The following SLC16A9 variants were observed in gnomAD, a reference collection of about 807,000 sequenced individuals.
SLC16A9 encodes solute carrier family 16 member 9, also known as monocarboxylate transporter 9.
Under a neutral mutation model 44.3 loss-of-function variants are expected in SLC16A9, and 26 were observed. The ratio of observed to expected loss-of-function variants is 0.59; its 90% CI spans 0.43 to 0.81. The LOEUF (loss-of-function observed/expected upper bound fraction) is 0.81, where lower values mean the gene tolerates loss of function less well. Among genes scored for constraint, SLC16A9 ranks in the 40% least tolerant of loss-of-function variants. SLC16A9 has a pLI of 0.00. For missense variants in SLC16A9, 559 were observed against 595.8 expected (o/e 0.94, Z 0.64); for synonymous variants, 230 against 225.1 (o/e 1.02, Z -0.19).
At chr10:59,686,767 T>G (rs1840143260) in intron 1 of SLC16A9, among the ~76,000 whole-genome samples, 1 of 152,186 alleles carries the variant, frequency 6.6e-6, no homozygotes, top group South Asian at 2.1e-4. Context: ...TGTCTTAAAT[T>G]TTTATACTTC....
chr10:59,662,916 A>C (rs1187849815), intron 4 of SLC16A9, among the ~76,000 whole-genome samples: 1 of 152,192 alleles, frequency 6.6e-6, no homozygotes, highest in Admixed American at 6.5e-5. Flanking sequence ...TTGACCCAGC[A>C]ATCCCATTAC....
chr10:59,705,296 G>T (rs1202591206), intron 1 of SLC16A9, among the ~76,000 whole-genome samples: 2 of 152,018 alleles, frequency 1.3e-5, no homozygotes, highest in Non-Finnish European at 2.9e-5. Context: ...CCTGCTACAG[G>T]AATCAGGCCC....
chr10:59,698,933 G>T (rs1840460943), intron 1 of SLC16A9, among the ~76,000 whole-genome samples: 1 of 151,970 alleles, frequency 6.6e-6, no homozygotes, highest in Non-Finnish European at 1.5e-5. Context: ...TAGTAGAGAT[G>T]GGGTTTCACC....
intron 4 of SLC16A9, among the ~76,000 whole-genome samples, chr10:59,656,188 G>A (rs1028653505): frequency 7.2e-5 from 11 of 152,072 alleles, no homozygotes; most frequent in East Asian, 1.9e-4. Flanking sequence ...CTCATTAAAC[G>A]TGGCATATAC....
intron 2 of SLC16A9, among the ~76,000 whole-genome samples, chr10:59,677,879 TA>T (rs1213026377): frequency 3.3e-5 from 5 of 152,018 alleles, no homozygotes; most frequent in South Asian, 2.1e-4. Flanking sequence ...CTTTTATTAT[TA>T]TTTTTTTAAT....
At chr10:59,680,418 C>T (rs145328130) in intron 2 of SLC16A9, among the ~76,000 whole-genome samples, 5 of 152,312 alleles carry the variant, frequency 3.3e-5, no homozygotes, top group South Asian at 2.1e-4. Context: ...CCAGCTCCCT[C>T]TGCCACCCAT....
chr10:59,654,238 T>C lies in SLC16A9; in HGVS notation c.788A>G (p.Lys263Arg). The C allele has an allele frequency of 6.2e-7, 1 of 1,614,208 alleles. No homozygotes were observed. Among genetic ancestry groups the C allele is most frequent in the Middle Eastern group, 1.6e-4 (1 of 6,062 alleles). Reference sequence around the variant, plus strand: ...TTTCTTTTTGTACGTTTCAGGCTCTTTTGTGTGTGTCACTGTGGGGTTTTT... The same window carrying C: ...TTTCTTTTTGTACGTTTCAGGCTCTCTTGTGTGTGTCACTGTGGGGTTTTT... Reference protein sequence around the residue: ...LHKNPTVTHTKEPETYKKKVA... With the variant: ...LHKNPTVTHTREPETYKKKVA... The change falls in exon 5 of 6, where the codon AAA (lysine) becomes AGA (arginine). Residue 263 changes from lysine to arginine, a missense_variant. Transcript: ENST00000395348.
chr10:59,655,487 A>G (rs969500568), intron 4 of SLC16A9, among the ~76,000 whole-genome samples: 2 of 152,220 alleles, frequency 1.3e-5, no homozygotes, highest in Non-Finnish European at 2.9e-5. Context: ...CCATTGCTGA[A>G]TCACCGGAAT....
At chr10:59,658,341 A>T (rs772568035) in intron 4 of SLC16A9, among the ~76,000 whole-genome samples, 4 of 103,702 alleles carry the variant, frequency 3.9e-5, no homozygotes, top group Admixed American at 1.2e-4. Context: ...ACAGACTCTC[A>T]TGGGACTCTG....
At chr10:59,658,448 G>A (rs971409843) in intron 4 of SLC16A9, among the ~76,000 whole-genome samples, 7 of 152,062 alleles carry the variant, frequency 4.6e-5, no homozygotes, top group African/African-American at 1.2e-4. Context: ...GTTCCAAAAC[G>A]GAGGCACAGG....
chr10:59,702,929 T>C (rs1291171970), intron 1 of SLC16A9, among the ~76,000 whole-genome samples: 2 of 152,218 alleles, frequency 1.3e-5, no homozygotes, highest in Non-Finnish European at 2.9e-5. Flanking sequence ...CAATGAAGAT[T>C]GCTTTGTCTG....
chr10:59,694,826 A>T (rs1347751084), intron 1 of SLC16A9, among the ~76,000 whole-genome samples: 1 of 118,150 alleles, frequency 8.5e-6, no homozygotes, highest in Non-Finnish European at 2.0e-5. Flanking sequence ...ATACACACAC[A>T]CACACACATA....
Position 59,662,614 on chromosome 10 carries a change from A to G in SLC16A9, c.436+1613T>C, listed in dbSNP as rs1383808208. Among the ~76,000 whole-genome samples, 9 of 147,538 alleles carry G rather than the reference A, an allele frequency of 6.1e-5. No homozygotes were observed. The East Asian group carries it at 1.8e-3, about 29-fold the overall frequency. ...GCGCCACTGCACTCTAGCCTAGGCA[A>G]AAGAGCAAAACTCCATCTCAAAAAA... On this transcript the variant is annotated intron_variant, in intron 4 of 5. Coordinates refer to ENST00000395348, the MANE Select transcript of SLC16A9 (RefSeq NM_194298.3).
Position 59,709,512 on chromosome 10 carries a change from C to G in SLC16A9, c.-70G>C, listed in dbSNP as rs1840718953. ...CGGCCTCGGCGGGGCCTCCGGTGCTCAGCACCCGGCTCAGTGCCCCGTGCG... is the reference window on the plus strand; with the variant it reads ...CGGCCTCGGCGGGGCCTCCGGTGCTGAGCACCCGGCTCAGTGCCCCGTGCG... On this transcript the variant is annotated 5_prime_UTR_variant, in exon 1 of 6. Transcript: ENST00000395348. 1 of 152,318 alleles carries G rather than the reference C, an allele frequency of 6.6e-6. No individual in the cohort carries two copies. Among genetic ancestry groups the G allele is most frequent in the South Asian group, 2.1e-4 (1 of 4,834 alleles). The allele number at this position is 152,318 out of a possible 1,614,324, so 9.4% of individuals were successfully genotyped here.
intron 1 of SLC16A9, among the ~76,000 whole-genome samples, chr10:59,696,677 G>A (rs1280373294): frequency 6.7e-6 from 1 of 150,352 alleles, no homozygotes; most frequent in Non-Finnish European, 1.5e-5. Context: ...CTGCCCGGCC[G>A]CCCATCATCT....
rs1250806629 is a variant in SLC16A9, at chr10:59,689,309, G to A, written c.-36-4982C>T. Among the ~76,000 whole-genome samples the A allele has an allele frequency of 5.3e-5, 8 of 152,148 alleles. 1 individual carries two copies. Among genetic ancestry groups the A allele is most frequent in the Admixed American group, 2.6e-4 (4 of 15,268 alleles). ...TTTTCTGATATTCTGTACTGCGTAAGGTGATTTTATGAATAGGCTAGCCTT... is the reference window on the plus strand; with the variant it reads ...TTTTCTGATATTCTGTACTGCGTAAAGTGATTTTATGAATAGGCTAGCCTT... On this transcript the variant is annotated intron_variant, in intron 1 of 5. Transcript: ENST00000395348.
chr10:59,703,675 T>C (rs181322363), intron 1 of SLC16A9, among the ~76,000 whole-genome samples: 1 of 152,294 alleles, frequency 6.6e-6, no homozygotes, highest in East Asian at 1.9e-4. Context: ...GACTCAATGT[T>C]TTTGGTTTTG....
intron 2 of SLC16A9, among the ~76,000 whole-genome samples, chr10:59,677,171 A>G (rs898908396): frequency 2.0e-5 from 3 of 151,878 alleles, no homozygotes; most frequent in African/African-American, 7.3e-5. Context: ...ATTAGTGTTC[A>G]AGAGCCAATA....
At chr10:59,681,830 TATGTATATG>T (rs201788267) in intron 2 of SLC16A9, among the ~76,000 whole-genome samples, 1,015 of 35,982 alleles carry the variant, frequency 0.028, 132 homozygotes, top group South Asian at 0.098. Flanking sequence ...TGTATATGTA[TATGTATATG>T]ATGTATATGT....
Sources: gnomAD v4.1 joint callset for allele counts (sites outside exome capture counted in the v4.1 genomes callset) on GRCh38, gnomAD v4.1.1 for gene constraint, MANE v1.5 for transcripts, NCBI Gene and HGNC (gene_info 2026-07-23, HGNC 2026-07-21) for gene names.